The following CYP4F3 variants were observed in gnomAD, a reference collection of about 807,000 sequenced individuals.
CYP4F3 encodes the protein cytochrome P450 4F3.
In CYP4F3, 50 loss-of-function variants were observed where a neutral mutation model predicts 54.8. The observed-to-expected ratio is 0.91, with a 90% CI of 0.73 to 1.16. The LOEUF is 1.16. Among genes scored for constraint, CYP4F3 ranks in the 50% most tolerant of loss-of-function variants. CYP4F3 has a pLI of 0.00. For missense variants in CYP4F3, 715 were observed against 676.2 expected, an observed-to-expected ratio of 1.06 and a Z score of -0.64; for synonymous variants, 244 against 262.6, an observed-to-expected ratio of 0.93 and a Z score of 0.69.
At position 15,660,126 on chromosome 19, in the gene CYP4F3, A is replaced by G. The variant is rs780511853; in HGVS notation, c.*741A>G. 2.6e-5 allele frequency: 4 copies of G among 152,228 alleles called. No homozygotes were observed. Among genetic ancestry groups the G allele is most frequent in the Non-Finnish European group, 5.9e-5 (4 of 68,038 alleles). 9.4% of individuals were successfully genotyped at this position (152,228 alleles called of 1,614,324 possible). On this transcript the variant is annotated 3_prime_UTR_variant, in exon 13 of 13. Transcript: ENST00000221307. ...ATATTAAATCATCTTAGGAAACATT[A>G]TTTTGTGTTCTTCAAAATGTGCATG... is the stretch of plus-strand genomic sequence containing the variant.
intron 9 of CYP4F3, among the ~76,000 whole-genome samples, chr19:15,655,390 T>C (rs1972984955): frequency 6.6e-6 from 1 of 152,204 alleles, no homozygotes; most frequent in African/African-American, 2.4e-5. Flanking sequence ...ATAATCTCAT[T>C]TCTCTATTGG....
intron 2 of CYP4F3, 74 bp from the exon 3 acceptor site, chr19:15,645,645 C>G (rs918597707): frequency 1.3e-6 from 2 of 1,502,248 alleles, no homozygotes; most frequent in Middle Eastern, 2.3e-4. Flanking sequence ...AGAGGGCTTC[C>G]ACCTCTTCCC....
chr19:15,659,098 C>A (rs1030913839), intron 12 of CYP4F3, 122 bp from the exon 13 acceptor site: 1 of 1,379,172 alleles, frequency 7.3e-7, no homozygotes, highest in Non-Finnish European at 9.8e-7. Context: ...GGCACGGATA[C>A]CCCCTTCTCT....
chr19:15,643,633 GGGC>G (rs1327465702), intron 2 of CYP4F3, among the ~76,000 whole-genome samples: 1 of 152,122 alleles, frequency 6.6e-6, no homozygotes, highest in Non-Finnish European at 1.5e-5. Flanking sequence ...TGGTGTCCAA[GGGC>G]AGGAGAAGAT....
chr19:15,657,695 A>G (rs928394378), intron 9 of CYP4F3, among the ~76,000 whole-genome samples: 2 of 151,920 alleles, frequency 1.3e-5, no homozygotes, highest in Non-Finnish European at 1.5e-5. Flanking sequence ...CAATTTTCAT[A>G]TTTCTTCTTT....
Position 15,660,686 on chromosome 19 carries a change from A to G in CYP4F3, c.*1301A>G, listed in dbSNP as rs1444874627. ...TCAGATCACCTGGGGACCACTCCAG[A>G]GTGAGTAGACAAGACTTTGACAGGG... On this transcript the variant is annotated 3_prime_UTR_variant, in exon 13 of 13. Coordinates refer to ENST00000221307, the MANE Select transcript of CYP4F3 (RefSeq NM_000896.3). The G allele has an allele frequency of 6.6e-6, 1 of 151,788 alleles. No homozygotes were observed. The highest frequency in any genetic ancestry group is 2.4e-5 in the African/African-American group (1 of 41,188). 9.4% of individuals were successfully genotyped at this position (151,788 alleles called of 1,614,324 possible).
At chr19:15,646,357 C>T (rs1315515517) in intron 3 of CYP4F3, among the ~76,000 whole-genome samples, 2 of 152,106 alleles carry the variant, frequency 1.3e-5, no homozygotes, top group South Asian at 4.1e-4. Context: ...GTCTGGGACC[C>T]AGGGTCCCTA....
At chr19:15,644,931 C>A (rs897261338) in intron 2 of CYP4F3, among the ~76,000 whole-genome samples, 22 of 152,174 alleles carry the variant, frequency 1.4e-4, no homozygotes, top group Non-Finnish European at 1.0e-4. Context: ...GGTGGAAATC[C>A]AACCTGGTGT....
At chr19:15,649,312 G>A in intron 6 of CYP4F3, 31 bp downstream of exon 6, 2 of 1,611,830 alleles carry the variant, frequency 1.2e-6, no homozygotes, top group Non-Finnish European at 1.7e-6. Flanking sequence ...TGGGATCCTG[G>A]GCCGTGGACA....
intron 2 of CYP4F3, among the ~76,000 whole-genome samples, chr19:15,645,245 C>T (rs1159877211): frequency 2.0e-5 from 3 of 152,162 alleles, no homozygotes; most frequent in African/African-American, 7.2e-5. Context: ...CCTGGATCAC[C>T]AGATCAATTT....
rs1374029378 is a variant in CYP4F3, at chr19:15,651,430, C to T, written c.919-1139C>T. Among the ~76,000 whole-genome samples the T allele has an allele frequency of 1.4e-4, 19 of 135,232 alleles. 1 individual carries two copies. The South Asian group carries it at 1.6e-3, about 11-fold the overall frequency. The allele number at this position is 135,232 out of a possible 152,430, so 88.7% of individuals were successfully genotyped here. ...TCACCCAGGCTGGAGTGCAGTGGTG[C>T]GATCTCGGCTTACTGCAACCTCCGC... On this transcript the variant is annotated intron_variant, in intron 7 of 12. Transcript: ENST00000221307.
At chr19:15,648,308 C>G (rs1972690942) in intron 5 of CYP4F3, among the ~76,000 whole-genome samples, 1 of 151,912 alleles carries the variant, frequency 6.6e-6, no homozygotes, top group South Asian at 2.1e-4. Flanking sequence ...ATCCCATGGG[C>G]TGACACAAGT....
chr19:15,654,785 T>A (rs1972969722), intron 9 of CYP4F3, among the ~76,000 whole-genome samples: 1 of 152,246 alleles, frequency 6.6e-6, no homozygotes, highest in Admixed American at 6.5e-5. Flanking sequence ...GATTCCATAT[T>A]TTCGTTGTTG....
At chr19:15,641,874 C>A (rs1599874983) in intron 2 of CYP4F3, among the ~76,000 whole-genome samples, 1 of 152,136 alleles carries the variant, frequency 6.6e-6, no homozygotes, top group East Asian at 1.9e-4. Flanking sequence ...CTGCGGGGCT[C>A]TTGGGCAGGG....
At chr19:15,654,119 C>T (rs927610914) in intron 9 of CYP4F3, among the ~76,000 whole-genome samples, 26 of 152,256 alleles carry the variant, frequency 1.7e-4, no homozygotes, top group Admixed American at 1.2e-3. Context: ...TTGGAGTGGA[C>T]GGGTGTCTTG....
At chr19:15,650,714 T>C (rs796847389) in intron 7 of CYP4F3, among the ~76,000 whole-genome samples, 3 of 27,814 alleles carry the variant, frequency 1.1e-4, no homozygotes, top group East Asian at 1.7e-3. Flanking sequence ...CTTTCTTTCT[T>C]TCTTTCTTTC....
Position 15,656,524 on chromosome 19 carries a change from T to TCTATC in CYP4F3, c.1116-1740_1116-1739insCTATC, listed in dbSNP as rs60912344. Among the ~76,000 whole-genome samples the TCTATC allele has an allele frequency of 6.7e-3, 474 of 70,614 alleles. 3 individuals carry two copies. Among genetic ancestry groups the TCTATC allele is most frequent in the East Asian group, 0.02 (33 of 1,638 alleles). 46.3% of individuals were successfully genotyped at this position (70,614 alleles called of 152,430 possible). On this transcript the variant is annotated intron_variant, in intron 9 of 12. Transcript: ENST00000221307. ...ATCTATCTATCTATCTATCTATCTATTTCTATCATCTATCAATGTATCTAT... is the reference window on the plus strand; with the variant it reads ...ATCTATCTATCTATCTATCTATCTATCTATCTTCTATCATCTATCAATGTATCTAT...
At position 15,650,664 on chromosome 19, in the gene CYP4F3, C is replaced by CTTTCTTTCTT. The variant is rs1972772620; in HGVS notation, c.918+483_918+492dup. The stretch of plus-strand genomic sequence containing the variant: ...CTCCCTCCCTCCCTGCCTTCTTTTT[C>CTTTCTTTCTT]TTTCTTTCTTTCTTTCTTTCTTTCT... On this transcript the variant is annotated intron_variant, in intron 7 of 12. Coordinates refer to ENST00000221307, the MANE Select transcript of CYP4F3 (RefSeq NM_000896.3). Among the ~76,000 whole-genome samples the CTTTCTTTCTT allele has an allele frequency of 6.6e-4, 12 of 18,084 alleles. No individual in the cohort carries two copies. The Admixed American group carries it at 6.7e-3, about 10-fold the overall frequency. The allele number at this position is 18,084 out of a possible 152,430, so 11.9% of individuals were successfully genotyped here. A position where few individuals can be genotyped will look rare whatever the true frequency, so the allele number is the denominator to read the frequency against.
intron 9 of CYP4F3, among the ~76,000 whole-genome samples, chr19:15,653,857 T>A (rs1810364): frequency 0.012 from 1,738 of 150,804 alleles, 31 homozygotes; most frequent in African/African-American, 0.04. Context: ...ATGATAAAAC[T>A]GGAGATGGTA....
Sources: allele counts gnomAD v4.1 joint callset (sites outside exome capture counted in the v4.1 genomes callset), GRCh38; gene constraint gnomAD v4.1.1; transcripts MANE v1.5; gene names NCBI Gene and HGNC (gene_info 2026-07-23, HGNC 2026-07-21).